The following DLGAP2 variants were observed in gnomAD, a reference collection of about 807,000 sequenced individuals.
DLGAP2 encodes disks large-associated protein 2.
A neutral mutation model predicts 100.3 loss-of-function variants in DLGAP2; 26 were observed. That is an observed-to-expected ratio of 0.26 (90% CI 0.19 to 0.36). DLGAP2 has a LOEUF of 0.36. Among genes scored for constraint, DLGAP2 ranks in the 10% least tolerant of loss-of-function variants. The probability of loss-of-function intolerance (pLI) is 1.00; values close to 1 mark genes in which losing one functional copy is unlikely to be tolerated. For missense variants in DLGAP2, 1,858 were observed against 1,453.2 expected (o/e 1.28, Z -4.53); for synonymous variants, 886 against 630.1 (o/e 1.41, Z -6.08).
At chr8:1,202,350 C>G (rs1440414757) in intron 2 of DLGAP2, among the ~76,000 whole-genome samples, 1 of 151,508 alleles carries the variant, frequency 6.6e-6, no homozygotes, top group South Asian at 2.1e-4. Context: ...GGGGCAGGCA[C>G]GGCTCCTCTT....
At chr8:751,951 T>C (rs1364624275) in intron 1 of DLGAP2, among the ~76,000 whole-genome samples, 1 of 152,194 alleles carries the variant, frequency 6.6e-6, no homozygotes, top group African/African-American at 2.4e-5. Flanking sequence ...AGTAAGTCCT[T>C]ATAGGAAGTT....
chr8:904,880 C>T (rs1162370195), intron 1 of DLGAP2, among the ~76,000 whole-genome samples: 2 of 152,200 alleles, frequency 1.3e-5, no homozygotes, highest in African/African-American at 4.8e-5. Context: ...ATTTCATTCT[C>T]CTCTGCGGCC....
chr8:1,490,772 G>A (rs1026883993), intron 3 of DLGAP2, among the ~76,000 whole-genome samples: 1 of 151,958 alleles, frequency 6.6e-6, no homozygotes, highest in African/African-American at 2.4e-5. Context: ...TGAGGCCTGT[G>A]TCCTCCTAAA....
chr8:766,472 T>A lies in DLGAP2; in HGVS notation c.18+28647T>A, dbSNP rs564619182. On this transcript the variant is annotated intron_variant, in intron 1 of 14. Coordinates refer to ENST00000637795, the MANE Select transcript of DLGAP2 (RefSeq NM_001346810.2). The stretch of plus-strand genomic sequence containing the variant: ...TGTCCTCCGGAATTGAACTCTGGGG[T>A]GACCCAAATTAGTGCAGCAAATATA... 3.3e-5 allele frequency among the ~76,000 whole-genome samples: 5 copies of A among 152,328 alleles called. No individual in the cohort carries two copies. In the East Asian group the frequency reaches 9.6e-4, roughly 29 times the overall value.
At chr8:1,127,722 C>T (rs994301748) in intron 2 of DLGAP2, among the ~76,000 whole-genome samples, 1 of 152,192 alleles carries the variant, frequency 6.6e-6, no homozygotes, top group Admixed American at 6.5e-5. Context: ...TTGGAAACTG[C>T]AGCTTTCAAG....
intron 1 of DLGAP2, among the ~76,000 whole-genome samples, chr8:769,464 A>G (rs1316512341): frequency 1.6e-4 from 25 of 152,158 alleles, no homozygotes; most frequent in Admixed American, 1.6e-3. Flanking sequence ...AACTATTTAG[A>G]AAAATGAAAC....
intron 3 of DLGAP2, among the ~76,000 whole-genome samples, chr8:1,340,912 A>G (rs971158069): frequency 2.0e-5 from 3 of 152,362 alleles, no homozygotes; most frequent in Middle Eastern, 3.4e-3. Context: ...ATAAAAAAGA[A>G]TGAAATCATG....
chr8:841,696 C>T (rs930856191), intron 1 of DLGAP2, among the ~76,000 whole-genome samples: 8 of 152,138 alleles, frequency 5.3e-5, no homozygotes, highest in African/African-American at 1.4e-4. Flanking sequence ...ATTCTCCTGC[C>T]TCAGCCTCTG....
intron 2 of DLGAP2, among the ~76,000 whole-genome samples, chr8:987,522 T>A (rs1407109240): frequency 6.6e-6 from 1 of 152,136 alleles, no homozygotes; most frequent in Non-Finnish European, 1.5e-5. Flanking sequence ...CCTTCCCTTG[T>A]CCATTTTCCA....
chr8:795,841 C>CA (rs1796019949), intron 1 of DLGAP2, among the ~76,000 whole-genome samples: 3 of 133,814 alleles, frequency 2.2e-5, no homozygotes, highest in Admixed American at 8.2e-5. Flanking sequence ...AGCAGCTGTC[C>CA]GGTGAGAGCA....
At chr8:1,003,445 A>G (rs1250189021) in intron 2 of DLGAP2, 2 of 152,236 alleles carry the variant, frequency 1.3e-5, no homozygotes, top group Non-Finnish European at 2.9e-5. Flanking sequence ...AAAGGCTAAT[A>G]TATCCATGGG....
chr8:1,064,106 G>A (rs1052387290), intron 2 of DLGAP2, among the ~76,000 whole-genome samples: 1 of 152,330 alleles, frequency 6.6e-6, no homozygotes, highest in African/African-American at 2.4e-5. Flanking sequence ...CTATGGGAAA[G>A]CTTTAGGTCA....
intron 8 of DLGAP2, among the ~76,000 whole-genome samples, chr8:1,658,429 C>A (rs1468793650): frequency 6.6e-6 from 1 of 152,144 alleles, no homozygotes; most frequent in African/African-American, 2.4e-5. Flanking sequence ...GATACATGTG[C>A]AGAACGTGCA....
chr8:1,601,907 A>G lies in DLGAP2; in HGVS notation c.1443-24833A>G, dbSNP rs115653116. Among the ~76,000 whole-genome samples, 616 of 151,646 alleles carry G rather than the reference A, an allele frequency of 4.1e-3. 3 individuals are homozygous for G. Among genetic ancestry groups the G allele is most frequent in the African/African-American group, 0.014 (572 of 41,318 alleles). On this transcript the variant is annotated intron_variant, in intron 6 of 14. Coordinates refer to ENST00000637795, the MANE Select transcript of DLGAP2 (RefSeq NM_001346810.2). Reference sequence around the variant, plus strand: ...TTTCACCAGGCAATCTGAGGTAGCTATGTAGTCACTTTTGATCCTAAAACC... The same window carrying G: ...TTTCACCAGGCAATCTGAGGTAGCTGTGTAGTCACTTTTGATCCTAAAACC...
chr8:857,822 T>A (rs569854734), intron 1 of DLGAP2, among the ~76,000 whole-genome samples: 1 of 152,182 alleles, frequency 6.6e-6, no homozygotes, highest in East Asian at 1.9e-4. Context: ...GGCTCCTAGG[T>A]GTTCACCCAG....
chr8:1,239,504 C>G (rs62487783), intron 2 of DLGAP2, among the ~76,000 whole-genome samples: 1 of 56,872 alleles, frequency 1.8e-5, no homozygotes, highest in Non-Finnish European at 3.0e-5. Context: ...CACAGAGCAT[C>G]GTGTCTAGTT....
chr8:1,212,751 C>G (rs1232790956), intron 2 of DLGAP2, among the ~76,000 whole-genome samples: 3 of 149,878 alleles, frequency 2.0e-5, no homozygotes, highest in Admixed American at 6.7e-5. Flanking sequence ...AGACCTCTCT[C>G]TCTCTCTCTT....
chr8:868,656 A>G (rs73673027), intron 1 of DLGAP2, among the ~76,000 whole-genome samples: 16,634 of 152,236 alleles, frequency 0.11, 1,299 homozygotes, highest in Admixed American at 0.24. Context: ...TGCTCTTCCA[A>G]GGGTGCGCGG....
chr8:857,466 A>G (rs931371639), intron 1 of DLGAP2, among the ~76,000 whole-genome samples: 6 of 152,212 alleles, frequency 3.9e-5, no homozygotes, highest in Non-Finnish European at 8.8e-5. Context: ...AAAATATACA[A>G]ATAATTTTCA....
Sources: gnomAD v4.1 joint callset for allele counts (sites outside exome capture counted in the v4.1 genomes callset) on GRCh38, gnomAD v4.1.1 for gene constraint, MANE v1.5 for transcripts, NCBI Gene and HGNC (gene_info 2026-07-23, HGNC 2026-07-21) for gene names.